The following PTPRM variants were observed in gnomAD, a reference collection of about 807,000 sequenced individuals.
The protein encoded by PTPRM is receptor-type tyrosine-protein phosphatase mu.
A neutral mutation model predicts 186.7 loss-of-function variants in PTPRM; 47 were observed. That is an observed-to-expected ratio of 0.25 (90% CI 0.20 to 0.32). The LOEUF (loss-of-function observed/expected upper bound fraction) is 0.32, where lower values mean the gene tolerates loss of function less well. Ranked by LOEUF, PTPRM falls within the 10% of genes least tolerant of loss-of-function variation. The probability of loss-of-function intolerance (pLI) is 1.00; values close to 1 mark genes in which losing one functional copy is unlikely to be tolerated. For missense variants in PTPRM, 1,494 were observed against 1,865.0 expected, an observed-to-expected ratio of 0.80 and a Z score of 3.66; for synonymous variants, 668 against 674.9, an observed-to-expected ratio of 0.99 and a Z score of 0.16.
chr18:7,650,921 A>G (rs2038686423), intron 1 of PTPRM, among the ~76,000 whole-genome samples: 1 of 148,376 alleles, frequency 6.7e-6, no homozygotes, highest in Non-Finnish European at 1.5e-5. Context: ...ACAATAAGAT[A>G]AGAGAAATAT....
intron 11 of PTPRM, among the ~76,000 whole-genome samples, chr18:8,105,831 T>A (rs1225807801): frequency 1.3e-5 from 2 of 152,214 alleles, no homozygotes; most frequent in Non-Finnish European, 2.9e-5. Flanking sequence ...TACGTAATAT[T>A]TTGATATAAC....
chr18:8,401,128 G>T (rs757506863), intron 32 of PTPRM, among the ~76,000 whole-genome samples: 1 of 151,768 alleles, frequency 6.6e-6, no homozygotes, highest in Non-Finnish European at 1.5e-5. Flanking sequence ...TTCCCAGTAA[G>T]CATTTTCTGA....
At chr18:7,894,173 A>G (rs926354123) in intron 3 of PTPRM, among the ~76,000 whole-genome samples, 8 of 152,210 alleles carry the variant, frequency 5.3e-5, no homozygotes, top group Non-Finnish European at 2.9e-5. Flanking sequence ...AAGTCATGCA[A>G]GAGCCCGTCT....
chr18:8,250,995 T>A (rs1358962452), intron 17 of PTPRM, among the ~76,000 whole-genome samples: 2 of 152,192 alleles, frequency 1.3e-5, no homozygotes, highest in African/African-American at 2.4e-5. Flanking sequence ...CTATTCCCTC[T>A]TCCATATGCA....
intron 7 of PTPRM, among the ~76,000 whole-genome samples, chr18:7,980,148 G>A (rs73383816): frequency 0.052 from 7,851 of 152,132 alleles, 486 homozygotes; most frequent in African/African-American, 0.15. Context: ...AGTACTTCAA[G>A]CTGCCCACTC....
At chr18:8,019,857 A>G (rs928349108) in intron 7 of PTPRM, among the ~76,000 whole-genome samples, 30 of 149,596 alleles carry the variant, frequency 2.0e-4, no homozygotes, top group South Asian at 1.5e-3. Flanking sequence ...AATTTAACTT[A>G]TTTAATTTAT....
At chr18:7,615,315 CT>C (rs1333712968) in intron 1 of PTPRM, among the ~76,000 whole-genome samples, 4 of 152,178 alleles carry the variant, frequency 2.6e-5, no homozygotes, top group Middle Eastern at 3.4e-3. Context: ...ATTTTTCATT[CT>C]CTTTTTTTCA....
intron 10 of PTPRM, among the ~76,000 whole-genome samples, chr18:8,086,456 T>G (rs2090440736): frequency 6.6e-6 from 1 of 152,176 alleles, no homozygotes; most frequent in Non-Finnish European, 1.5e-5. Context: ...TCTTTGTACT[T>G]CAGACTAGAG....
At position 8,387,111 on chromosome 18, in the gene PTPRM, C is replaced by T. The variant is rs867837083; in HGVS notation, c.4084C>T (p.Leu1362=). The T allele has an allele frequency of 6.2e-7, 1 of 1,611,976 alleles. No homozygotes were observed. The highest frequency in any genetic ancestry group is 1.3e-5 in the African/African-American group (1 of 74,970). Residue 1362 remains leucine (L), a synonymous_variant, in exon 31 of 33, where the codon CTG becomes TTG. Coordinates refer to ENST00000580170, the MANE Select transcript of PTPRM (RefSeq NM_001105244.2). The part of the protein sequence containing the change: ...GYRMVQQFQF[L]GWPMYRDTPV... Reference sequence around the variant, plus strand: ...TCGGATGGTGCAGCAATTCCAGTTCCTGGGCTGGCCGATGTACAGGGACAC... The same window carrying T: ...TCGGATGGTGCAGCAATTCCAGTTCTTGGGCTGGCCGATGTACAGGGACAC...
At position 8,257,219 on chromosome 18, in the gene PTPRM, A is replaced by G. The variant is rs374007120; in HGVS notation, c.2754+3805A>G. 2.5e-4 allele frequency among the ~76,000 whole-genome samples: 38 copies of G among 152,318 alleles called. 1 individual carries two copies. The South Asian group carries it at 7.5e-3, about 30-fold the overall frequency. On this transcript the variant is annotated intron_variant, in intron 19 of 32. Coordinates refer to ENST00000580170, the MANE Select transcript of PTPRM (RefSeq NM_001105244.2). ...CAAGAGAAGGTGAAAGAGGGTAGCC[A>G]TCCAGGTAGACCCAAAAGCAGGAGA...
chr18:8,295,939 C>A (rs2095092441), intron 19 of PTPRM, among the ~76,000 whole-genome samples: 1 of 152,224 alleles, frequency 6.6e-6, no homozygotes, highest in Non-Finnish European at 1.5e-5. Context: ...CATGTTTTAA[C>A]CAAAGATAAC....
intron 13 of PTPRM, among the ~76,000 whole-genome samples, chr18:8,131,031 G>A (rs964712767): frequency 4.6e-5 from 7 of 152,190 alleles, no homozygotes; most frequent in African/African-American, 1.7e-4. Context: ...TGGCTTTGTT[G>A]TTGTTACTCT....
At chr18:7,880,012 G>A (rs2048424776) in intron 2 of PTPRM, among the ~76,000 whole-genome samples, 1 of 152,172 alleles carries the variant, frequency 6.6e-6, no homozygotes, top group Non-Finnish European at 1.5e-5. Flanking sequence ...CATGGTGGCA[G>A]GAGAGAGAAG....
intron 13 of PTPRM, among the ~76,000 whole-genome samples, chr18:8,127,435 T>TTTG (rs2092398570): frequency 1.3e-5 from 2 of 150,340 alleles, no homozygotes; most frequent in Non-Finnish European, 3.0e-5. Flanking sequence ...TTTTTTTTTT[T>TTTG]GATGGGATGA....
intron 1 of PTPRM, among the ~76,000 whole-genome samples, chr18:7,595,796 G>T (rs1025959773): frequency 2.6e-5 from 4 of 152,110 alleles, no homozygotes; most frequent in Non-Finnish European, 5.9e-5. Context: ...GAGAATATTT[G>T]AATTTGTGCA....
chr18:7,700,054 TTGTA>T (rs2039928486), intron 1 of PTPRM, among the ~76,000 whole-genome samples: 1 of 152,186 alleles, frequency 6.6e-6, no homozygotes, highest in Non-Finnish European at 1.5e-5. Context: ...TTCTAGAAGT[TTGTA>T]TGTGTCACAA....
Position 8,069,983 on chromosome 18 carries a change from C to G in PTPRM, c.1430C>G (p.Thr477Arg). The G allele has an allele frequency of 1.2e-6, 2 of 1,611,878 alleles. No homozygotes were observed. The highest frequency in any genetic ancestry group is 1.7e-6 in the Non-Finnish European group (2 of 1,178,520). ...GAAAGCCAAGAACTCATAGTGCAGA[C>G]AGATGAAGACCGTGAGTACCTTTGA... Reference protein sequence around the residue: ...RKESQELIVQTDEDLPGAVPT... With the variant: ...RKESQELIVQRDEDLPGAVPT... Residue 477 changes from threonine to arginine, a missense_variant, in exon 8 of 33, where the codon ACA (threonine) becomes AGA (arginine). Coordinates refer to ENST00000580170, the MANE Select transcript of PTPRM (RefSeq NM_001105244.2).
intron 14 of PTPRM, among the ~76,000 whole-genome samples, chr18:8,236,376 T>C (rs537205419): frequency 6.6e-6 from 1 of 152,240 alleles, no homozygotes; most frequent in Non-Finnish European, 1.5e-5. Flanking sequence ...TGTCTGAATT[T>C]AATACAGCTT....
chr18:8,387,954 A>G (rs1049399803), intron 31 of PTPRM, among the ~76,000 whole-genome samples: 5 of 151,874 alleles, frequency 3.3e-5, no homozygotes, highest in African/African-American at 9.7e-5. Context: ...TGAAAAAAAA[A>G]AAAAGCCCAC....
Sources: gnomAD v4.1 joint callset for allele counts (sites outside exome capture counted in the v4.1 genomes callset) on GRCh38, gnomAD v4.1.1 for gene constraint, MANE v1.5 for transcripts, NCBI Gene and HGNC (gene_info 2026-07-23, HGNC 2026-07-21) for gene names.